IMMP2L: variants seen among roughly 807,000 people sequenced by gnomAD.
IMMP2L encodes inner mitochondrial membrane peptidase subunit 2.
A neutral mutation model predicts 19.3 loss-of-function variants in IMMP2L; 18 were observed. The observed-to-expected ratio is 0.93, with a 90% CI of 0.64 to 1.38. IMMP2L has a LOEUF of 1.38. Ranked by LOEUF, IMMP2L falls within the 40% of genes most tolerant of loss-of-function variation. The pLI is 0.00. For missense variants in IMMP2L, 233 were observed against 218.2 expected (o/e 1.07, Z -0.43); for synonymous variants, 76 against 73.0 (o/e 1.04, Z -0.21).
intron 3 of IMMP2L, among the ~76,000 whole-genome samples, chr7:111,078,253 A>T (rs2129576040): frequency 6.6e-6 from 1 of 152,332 alleles, no homozygotes; most frequent in African/African-American, 2.4e-5. Flanking sequence ...ATGAAAAAAT[A>T]AATGCTGGCA....
intron 5 of IMMP2L, among the ~76,000 whole-genome samples, chr7:110,830,842 T>G (rs1803911471): frequency 6.6e-6 from 1 of 152,156 alleles, no homozygotes; most frequent in Non-Finnish European, 1.5e-5. Context: ...ATTTTGAGCC[T>G]TACCAGTTTT....
chr7:110,843,655 C>T (rs1417853782), intron 5 of IMMP2L, among the ~76,000 whole-genome samples: 1 of 151,708 alleles, frequency 6.6e-6, no homozygotes, highest in Non-Finnish European at 1.5e-5. Flanking sequence ...AGAGATAACA[C>T]AGATAAATGT....
At chr7:111,470,169 A>C (rs931395719) in intron 3 of IMMP2L, among the ~76,000 whole-genome samples, 16 of 152,196 alleles carry the variant, frequency 1.1e-4, no homozygotes, top group African/African-American at 3.9e-4. Flanking sequence ...TCAAAACCAC[A>C]ATGAGATACC....
intron 5 of IMMP2L, among the ~76,000 whole-genome samples, chr7:110,756,682 T>G (rs1584735792): frequency 6.6e-6 from 1 of 152,146 alleles, no homozygotes; most frequent in Non-Finnish European, 1.5e-5. Context: ...ATGCGTACAT[T>G]TCTATTCTAC....
At chr7:110,973,218 T>C (rs1395726236) in intron 3 of IMMP2L, among the ~76,000 whole-genome samples, 2 of 152,138 alleles carry the variant, frequency 1.3e-5, no homozygotes, top group Non-Finnish European at 2.9e-5. Context: ...AGGAAATGGC[T>C]ATGTTAGCTA....
intron 5 of IMMP2L, among the ~76,000 whole-genome samples, chr7:110,861,593 T>C (rs904723951): frequency 7.2e-5 from 11 of 151,866 alleles, no homozygotes; most frequent in African/African-American, 2.4e-5. Flanking sequence ...TCCGGAAAGG[T>C]TTAATACACC....
intron 3 of IMMP2L, among the ~76,000 whole-genome samples, chr7:111,333,837 C>A (rs1471895542): frequency 6.6e-6 from 1 of 152,070 alleles, no homozygotes; most frequent in African/African-American, 2.4e-5. Flanking sequence ...CTTCCTTGCT[C>A]CGCAGCTTGC....
rs139478295 is a variant in IMMP2L, at chr7:111,169,486, T to G, written c.240-205921A>C. Among the ~76,000 whole-genome samples the G allele has an allele frequency of 1.5e-3, 232 of 152,046 alleles. 2 individuals carry two copies. The highest frequency in any genetic ancestry group is 5.4e-3 in the African/African-American group (223 of 41,536). On this transcript the variant is annotated intron_variant, in intron 3 of 5. Transcript: ENST00000405709. Reference sequence around the variant, plus strand: ...ATTCAGGGTTGGTTTCTTCTGAAACTAGGTTTGGTTACATTCAGCGTTCTG... The same window carrying G: ...ATTCAGGGTTGGTTTCTTCTGAAACGAGGTTTGGTTACATTCAGCGTTCTG...
intron 5 of IMMP2L, among the ~76,000 whole-genome samples, chr7:110,838,866 A>G (rs1354642115): frequency 6.6e-5 from 10 of 152,116 alleles, no homozygotes; most frequent in Non-Finnish European, 1.2e-4. Flanking sequence ...AAAATATATC[A>G]TAAGGATGAT....
intron 1 of IMMP2L, among the ~76,000 whole-genome samples, chr7:111,534,405 T>C (rs1169972085): frequency 3.3e-5 from 5 of 152,148 alleles, no homozygotes; most frequent in African/African-American, 7.2e-5. Context: ...TGAACCCATT[T>C]ATGTGAAATT....
chr7:110,802,349 G>A (rs867843835), intron 5 of IMMP2L, among the ~76,000 whole-genome samples: 1 of 133,060 alleles, frequency 7.5e-6, no homozygotes, highest in African/African-American at 2.9e-5. Context: ...GTGTGTGTGT[G>A]TGTGTGTGTG....
chr7:110,895,233 G>T (rs901680256), intron 4 of IMMP2L, among the ~76,000 whole-genome samples: 2 of 152,140 alleles, frequency 1.3e-5, no homozygotes, highest in African/African-American at 2.4e-5. Flanking sequence ...GTGCAGGAAA[G>T]ATCTGCCCCC....
intron 3 of IMMP2L, among the ~76,000 whole-genome samples, chr7:111,070,058 T>C (rs1794822612): frequency 6.6e-6 from 1 of 152,070 alleles, no homozygotes; most frequent in African/African-American, 2.4e-5. Context: ...ATTTACAGGT[T>C]GGAAGGAAAA....
intron 3 of IMMP2L, among the ~76,000 whole-genome samples, chr7:111,441,291 A>G (rs937753725): frequency 6.6e-6 from 1 of 151,942 alleles, no homozygotes; most frequent in Non-Finnish European, 1.5e-5. Context: ...ACTAAGCTGA[A>G]TAATTTCTAG....
At chr7:110,856,089 A>G (rs1342986655) in intron 5 of IMMP2L, among the ~76,000 whole-genome samples, 1 of 152,038 alleles carries the variant, frequency 6.6e-6, no homozygotes, top group Non-Finnish European at 1.5e-5. Context: ...TTCATCTACT[A>G]CAGCAATCAT....
At chr7:110,775,313 T>A (rs1799312791) in intron 5 of IMMP2L, among the ~76,000 whole-genome samples, 1 of 150,758 alleles carries the variant, frequency 6.6e-6, no homozygotes, top group Non-Finnish European at 1.5e-5. Flanking sequence ...TATGTGTAGC[T>A]TAAAGTGTGT....
chr7:110,893,240 C>T (rs1220100353), intron 4 of IMMP2L, among the ~76,000 whole-genome samples: 1 of 152,110 alleles, frequency 6.6e-6, no homozygotes, highest in African/African-American at 2.4e-5. Flanking sequence ...ACAAAACCAA[C>T]ATATTCTTTT....
intron 3 of IMMP2L, among the ~76,000 whole-genome samples, chr7:111,381,762 GTTCATTCA>G (rs925957136): frequency 6.6e-6 from 1 of 151,842 alleles, no homozygotes; most frequent in Non-Finnish European, 1.5e-5. Context: ...GAAGGCATTT[GTTCATTCA>G]TTCATTCATT....
chr7:110,770,785 C>G (rs746842576), intron 5 of IMMP2L, among the ~76,000 whole-genome samples: 11 of 152,166 alleles, frequency 7.2e-5, no homozygotes, highest in Non-Finnish European at 1.6e-4. Context: ...GGATATAGCG[C>G]TCCTGGGACG....
Sources: allele counts gnomAD v4.1 joint callset (sites outside exome capture counted in the v4.1 genomes callset), GRCh38; gene constraint gnomAD v4.1.1; transcripts MANE v1.5; gene names NCBI Gene and HGNC (gene_info 2026-07-23, HGNC 2026-07-21).